PSMC1: variants seen among roughly 807,000 people sequenced by gnomAD.
The protein encoded by PSMC1 is 26S proteasome regulatory subunit 4.
Under a neutral mutation model 49.8 loss-of-function variants are expected in PSMC1, and 5 were observed. The observed-to-expected ratio is 0.10, with a 90% CI of 0.05 to 0.21. PSMC1 has a LOEUF of 0.21. PSMC1 is among the 10% of genes least tolerant of loss of function. PSMC1 has a pLI of 1.00. For synonymous variants in PSMC1, 155 were observed against 192.1 expected, an observed-to-expected ratio of 0.81 and a Z score of 1.60; for missense variants, 181 against 535.7, an observed-to-expected ratio of 0.34 and a Z score of 6.54.
rs1162942947 is a variant in PSMC1, at chr14:90,256,609, C to G, written c.3+9C>G. The G allele has an allele frequency of 1.1e-5, 17 of 1,589,186 alleles. No individual in the cohort carries two copies. Among genetic ancestry groups the G allele is most frequent in the Admixed American group, 1.8e-5 (1 of 56,200 alleles). On this transcript the variant is annotated intron_variant, in intron 1 of 10. Coordinates refer to ENST00000261303, the MANE Select transcript of PSMC1 (RefSeq NM_002802.3). ...GTGGCCAAGGCAAGATGGTGAGTGACTAAGGGTTTCTTTCCGCTGGTCGTC... is the reference window on the plus strand; with the variant it reads ...GTGGCCAAGGCAAGATGGTGAGTGAGTAAGGGTTTCTTTCCGCTGGTCGTC...
At chr14:90,259,324 G>A in intron 2 of PSMC1, 111 bp downstream of exon 2, 1 of 1,027,492 alleles carries the variant, frequency 9.7e-7, no homozygotes, top group Non-Finnish European at 1.4e-6. Context: ...GAATGATCCA[G>A]TAGTTTTTAA....
At chr14:90,256,744 G>A in intron 1 of PSMC1, 144 bp downstream of exon 1, 1 of 1,360,994 alleles carries the variant, frequency 7.3e-7, no homozygotes, top group Admixed American at 2.1e-5. Context: ...GGCGGGTGGA[G>A]GCTCCCAGAG....
chr14:90,259,371 C>G (rs554033332), intron 2 of PSMC1, among the ~76,000 whole-genome samples, 158 bp downstream of exon 2: 1 of 152,264 alleles, frequency 6.6e-6, no homozygotes, highest in South Asian at 2.1e-4. Flanking sequence ...ATATGCTTTT[C>G]ATGCTTTAGA....
In PSMC1 at chr14:90,274,838, A is replaced by ACACCCCCCCC. The variant is rs1491397403; in HGVS notation, c.*2432_*2433insACCCCCCCCC. 3 of 67,184 alleles carry ACACCCCCCCC rather than the reference A, an allele frequency of 4.5e-5. No individual in the cohort carries two copies. The highest frequency in any genetic ancestry group is 9.6e-5 in the Non-Finnish European group (3 of 31,318). 4.2% of individuals were successfully genotyped at this position (67,184 alleles called of 1,614,324 possible). On this transcript the variant is annotated 3_prime_UTR_variant, in exon 11 of 11. Coordinates refer to ENST00000261303, the MANE Select transcript of PSMC1 (RefSeq NM_002802.3). ...CACACACACACACACACACACACAC[A>ACACCCCCCCC]CCCCAATACATATGAATTGATCTGA...
At position 90,260,061 on chromosome 14, in the gene PSMC1, G is replaced by A. The variant is rs917541440; in HGVS notation, c.58-54G>A. The A allele has an allele frequency of 9.1e-6, 10 of 1,101,250 alleles. No homozygotes were observed. The Admixed American group carries it at 2.1e-4, about 23-fold the overall frequency. The allele number at this position is 1,101,250 out of a possible 1,614,324, so 68.2% of individuals were successfully genotyped here. A position where few individuals can be genotyped will look rare whatever the true frequency, so the allele number is the denominator to read the frequency against. The stretch of plus-strand genomic sequence containing the variant: ...GATGGTGGTACAGAAATAAATGTGT[G>A]TTTTAATATGATTTTCATGTGATTT... On this transcript the variant is annotated intron_variant, in intron 2 of 10. Transcript: ENST00000261303.
chr14:90,256,751 A>G (rs1038055100), intron 1 of PSMC1, 151 bp downstream of exon 1: 7 of 1,313,804 alleles, frequency 5.3e-6, no homozygotes, highest in Non-Finnish European at 7.4e-6. Context: ...GGAGGCTCCC[A>G]GAGACCGCGC....
At chr14:90,256,706 C>T in intron 1 of PSMC1, 106 bp downstream of exon 1, 5 of 1,506,956 alleles carry the variant, frequency 3.3e-6, no homozygotes, top group Non-Finnish European at 4.5e-6. Flanking sequence ...GGACAGCCCT[C>T]TTCTCCTTTT....
chr14:90,260,363 G>A, intron 3 of PSMC1, 152 bp downstream of exon 3: 1 of 619,986 alleles, frequency 1.6e-6, no homozygotes, highest in Non-Finnish European at 2.8e-6. Flanking sequence ...CTTGAGTGTG[G>A]CATTCCTCTA....
intron 8 of PSMC1, 54 bp downstream of exon 8, chr14:90,268,467 C>G (rs1274780321): frequency 6.4e-7 from 1 of 1,556,662 alleles, no homozygotes; most frequent in South Asian, 1.1e-5. Flanking sequence ...CCGCATAGCT[C>G]TTCTCTTGAG....
rs577306191 is a variant in PSMC1 at position 90,270,544 on chromosome 14, T to G, written c.1188+192T>G. The G allele has an allele frequency of 1.3e-5, 8 of 601,316 alleles. No homozygotes were observed. The African/African-American group carries it at 1.5e-4, about 11-fold the overall frequency. The allele number at this position is 601,316 out of a possible 1,614,324, so 37.2% of individuals were successfully genotyped here. On this transcript the variant is annotated intron_variant, in intron 10 of 10. Transcript: ENST00000261303. Reference sequence around the variant, plus strand: ...AAGTCATTCTTAATGCATCATTTTATGCAGTGAATGACGCTAAATCACCTG... The same window carrying G: ...AAGTCATTCTTAATGCATCATTTTAGGCAGTGAATGACGCTAAATCACCTG...
At chr14:90,262,477 C>G (rs928340998) in intron 3 of PSMC1, among the ~76,000 whole-genome samples, 2 of 151,934 alleles carry the variant, frequency 1.3e-5, no homozygotes, top group African/African-American at 4.8e-5. Flanking sequence ...ACTTGGAAAA[C>G]CCAGAAACCA....
At chr14:90,265,872 A>AC (rs1891499403) in intron 7 of PSMC1, among the ~76,000 whole-genome samples, 2 of 151,668 alleles carry the variant, frequency 1.3e-5, no homozygotes. Context: ...AAAAGAAAAA[A>AC]AAAACTGATG....
At chr14:90,269,872 A>G in intron 9 of PSMC1, 1 of 374,522 alleles carries the variant, frequency 2.7e-6, no homozygotes, top group Non-Finnish European at 4.8e-6. Context: ...ACATTCAGGT[A>G]GCATCAGAAG....
rs367925983 is a variant in PSMC1, at chr14:90,259,229, T to A, written c.57+16T>A. On this transcript the variant is annotated intron_variant, in intron 2 of 10. Coordinates refer to ENST00000261303, the MANE Select transcript of PSMC1 (RefSeq NM_002802.3). ...GGATGACAAGGTAAATATGCCAGAT[T>A]TGTCCTGTGATATGAGCAAATTGTG... The A allele has an allele frequency of 3.0e-5, 48 of 1,613,224 alleles. No homozygotes were observed. In the African/African-American group the frequency reaches 5.9e-4, roughly 20 times the overall value.
At chr14:90,259,293 A>T in intron 2 of PSMC1, 80 bp downstream of exon 2, 1 of 1,346,700 alleles carries the variant, frequency 7.4e-7, no homozygotes, top group Non-Finnish European at 1.0e-6. Context: ...TTCTGTGGGG[A>T]TTCATGAATT....
chr14:90,267,312 C>T (rs11159959), intron 7 of PSMC1, among the ~76,000 whole-genome samples: 47,375 of 151,698 alleles, frequency 0.31, 8,595 homozygotes, highest in East Asian at 0.51. Context: ...CAGGCATGTG[C>T]TGGCTAATAT....
At position 90,264,132 on chromosome 14, in the gene PSMC1, A is replaced by G; in HGVS notation, c.557A>G (p.Asp186Gly). Residue 186 changes from aspartate to glycine, a missense_variant, in exon 6 of 11, where the codon GAT becomes GGT. By Grantham distance (94) the Asp-to-Gly change is moderately conservative. Around this residue, in one of 3 missense-constraint regions of PSMC1, gnomAD observed 121 missense variants for 358.6 expected, o/e 0.34. Coordinates refer to ENST00000261303, the MANE Select transcript of PSMC1 (RefSeq NM_002802.3). ...AAGGCCCCCCAGGAGACCTATGCAGATATTGGGGGGTTGGACAACCAAATT... is the reference window on the plus strand; with the variant it reads ...AAGGCCCCCCAGGAGACCTATGCAGGTATTGGGGGGTTGGACAACCAAATT... ...VEKAPQETYADIGGLDNQIQE... is the reference protein window; with the variant it reads ...VEKAPQETYAGIGGLDNQIQE... 1.9e-6 allele frequency: 3 copies of G among 1,612,474 alleles called. No individual in the cohort carries two copies. Among genetic ancestry groups the G allele is most frequent in the Non-Finnish European group, 2.5e-6 (3 of 1,179,650 alleles).
intron 3 of PSMC1, among the ~76,000 whole-genome samples, chr14:90,262,849 T>C (rs1052433185): frequency 1.9e-5 from 2 of 106,138 alleles, no homozygotes; most frequent in Non-Finnish European, 4.4e-5. Flanking sequence ...GAAACAATAA[T>C]GTATGGAAAA....
rs190516194 is a variant in PSMC1, at chr14:90,264,869, G to A, written c.595-201G>A. 4.1e-4 allele frequency among the ~76,000 whole-genome samples: 63 copies of A among 152,312 alleles called. 1 individual carries two copies. Among genetic ancestry groups the A allele is most frequent in the Admixed American group, 2.8e-3 (43 of 15,302 alleles). On this transcript the variant is annotated intron_variant, in intron 6 of 10. Coordinates refer to ENST00000261303, the MANE Select transcript of PSMC1 (RefSeq NM_002802.3). ...GGAATTGGGTGTGGTTAGGGAGATG[G>A]AACGGGTGCGGGGAACTCAAGCAGG...
Sources: gnomAD v4.1 joint callset for allele counts (sites outside exome capture counted in the v4.1 genomes callset) on GRCh38, gnomAD v4.1.1 for gene constraint, gnomAD v4.1.1 regional missense constraint, MANE v1.5 for transcripts, NCBI Gene and HGNC (gene_info 2026-07-23, HGNC 2026-07-21) for gene names.